Variants in POMT2 observed in about 807,000 individuals in gnomAD.
The protein encoded by POMT2 is protein O-mannosyl-transferase 2.
Under a neutral mutation model 100.0 loss-of-function variants are expected in POMT2, and 75 were observed. The observed-to-expected ratio is 0.75, with a 90% CI of 0.62 to 0.91. The LOEUF (loss-of-function observed/expected upper bound fraction) is 0.91. Among genes scored for constraint, POMT2 ranks in the 40% least tolerant of loss-of-function variants. The probability of loss-of-function intolerance (pLI) is 0.00; values close to 1 mark genes in which losing one functional copy is unlikely to be tolerated. For synonymous variants in POMT2, 378 were observed against 374.1 expected (o/e 1.01, Z -0.12); for missense variants, 940 against 955.1 (o/e 0.98, Z 0.21).
At chr14:77,286,494 T>A (rs1332723634) in intron 12 of POMT2, among the ~76,000 whole-genome samples, 1 of 152,218 alleles carries the variant, frequency 6.6e-6, no homozygotes, top group African/African-American at 2.4e-5. Flanking sequence ...TATTTGACAT[T>A]TATTAAGTAT....
At chr14:77,298,370 G>A (rs376386961) in intron 8 of POMT2, among the ~76,000 whole-genome samples, 14 of 152,168 alleles carry the variant, frequency 9.2e-5, no homozygotes, top group Admixed American at 3.9e-4. Flanking sequence ...CTCAGAAAGC[G>A]GTGCGGGAAA....
intron 6 of POMT2, chr14:77,299,869 G>A (rs1436769241): frequency 8.0e-6 from 3 of 376,840 alleles, no homozygotes; most frequent in Non-Finnish European, 1.5e-5. Flanking sequence ...TCCGCTCCAT[G>A]TTCCAGGTAC....
chr14:77,278,561 G>A lies in POMT2; in HGVS notation c.2033-53C>T. The A allele has an allele frequency of 3.5e-6, 5 of 1,442,246 alleles. No individual in the cohort carries two copies. In the South Asian group the frequency reaches 6.1e-5, roughly 18 times the overall value. 89.3% of individuals were successfully genotyped at this position (1,442,246 alleles called of 1,614,324 possible). ...CAGCCAGGCAGGGGGTGACTTCTGG[G>A]CTACAGAAGAAGGAGGCACTCCAAG... On this transcript the variant is annotated intron_variant, in intron 19 of 20. Coordinates refer to ENST00000261534, the MANE Select transcript of POMT2 (RefSeq NM_013382.7).
intron 2 of POMT2, among the ~76,000 whole-genome samples, chr14:77,307,230 G>A (rs867698371): frequency 1.9e-4 from 29 of 152,242 alleles, no homozygotes; most frequent in Admixed American, 7.8e-4. Context: ...ACAGCCCCAG[G>A]CTGCTCCAGC....
chr14:77,317,212 A>AG (rs1317071493), intron 1 of POMT2, among the ~76,000 whole-genome samples: 2 of 152,270 alleles, frequency 1.3e-5, no homozygotes, highest in African/African-American at 2.4e-5. Context: ...CCACATTGCA[A>AG]GGGGCACTGA....
chr14:77,298,213 A>C (rs181903173), intron 8 of POMT2, among the ~76,000 whole-genome samples: 3 of 152,080 alleles, frequency 2.0e-5, no homozygotes, highest in Admixed American at 6.5e-5. Context: ...ATGCTCCTTC[A>C]CGCCTGTCAA....
chr14:77,279,868 C>T lies in POMT2; in HGVS notation c.1846G>A (p.Ala616Thr), dbSNP rs774852161. 1.9e-6 allele frequency: 3 copies of T among 1,613,990 alleles called. No homozygotes were observed. In the Admixed American group the frequency reaches 5.0e-5, roughly 27 times the overall value. ...CGTGCCCCTCTCTGCATGGCTACAG[C>T]AATGATGCTCCCTGAGAGGAGGTAG... The part of the protein sequence containing the change: ...ALYLLSGSII[A>T]VAMQRGARLP... The change falls in exon 18 of 21, where the codon GCT becomes ACT. Residue 616 changes from alanine to threonine, a missense_variant. Transcript: ENST00000261534.
chr14:77,294,699 C>T (rs993041347), intron 9 of POMT2, among the ~76,000 whole-genome samples: 10 of 152,216 alleles, frequency 6.6e-5, no homozygotes, highest in African/African-American at 2.4e-4. Context: ...ACTTGCTCCT[C>T]CTTGCCTTCC....
intron 2 of POMT2, 173 bp from the exon 3 acceptor site, chr14:77,306,614 T>C: frequency 1.5e-6 from 1 of 667,032 alleles, no homozygotes; most frequent in Non-Finnish European, 2.5e-6. Flanking sequence ...CAAAGAATCT[T>C]TTGTCTACAG....
At chr14:77,286,055 T>C (rs1466389901) in intron 12 of POMT2, among the ~76,000 whole-genome samples, 1 of 152,224 alleles carries the variant, frequency 6.6e-6, no homozygotes, top group Non-Finnish European at 1.5e-5. Flanking sequence ...GGCCTGGCTA[T>C]TGCACTTTGG....
chr14:77,286,733 TG>T lies in POMT2; in HGVS notation c.1332+10del. The T allele has an allele frequency of 1.2e-6, 2 of 1,614,110 alleles. No individual in the cohort carries two copies. The highest frequency in any genetic ancestry group is 1.7e-6 in the Non-Finnish European group (2 of 1,179,974). On this transcript the variant is annotated intron_variant, in intron 12 of 20. Transcript: ENST00000261534. ...TTTTACGTCCTACTCACATCCCCGT[TG>T]CTTACTTACTATGCCATAGCCGGTG...
intron 15 of POMT2, 112 bp from the exon 16 acceptor site, chr14:77,280,575 T>TCCTTC: frequency 6.4e-7 from 1 of 1,567,654 alleles, no homozygotes; most frequent in Non-Finnish European, 8.6e-7. Context: ...GAACCTTCTC[T>TCCTTC]CCTTCCCTTC....
intron 5 of POMT2, 47 bp from the exon 6 acceptor site, chr14:77,301,296 C>T: frequency 6.2e-7 from 1 of 1,609,930 alleles, no homozygotes; most frequent in South Asian, 1.1e-5. Flanking sequence ...GGAACCAAAG[C>T]CAAACGCAAG....
chr14:77,279,003 C>T (rs767520016), intron 18 of POMT2, 134 bp from the exon 19 acceptor site: 104 of 1,217,198 alleles, frequency 8.5e-5, no homozygotes, highest in Middle Eastern at 1.9e-4. Context: ...ACCCAAACCA[C>T]GCTACAGAAA....
At chr14:77,311,848 A>T in intron 2 of POMT2, 101 bp downstream of exon 2, 1 of 1,510,396 alleles carries the variant, frequency 6.6e-7, no homozygotes, top group East Asian at 2.4e-5. Context: ...TACAAGTCCC[A>T]AATTCTTTCT....
chr14:77,308,219 A>G (rs1265838476), intron 2 of POMT2, among the ~76,000 whole-genome samples: 1 of 152,076 alleles, frequency 6.6e-6, no homozygotes, highest in Non-Finnish European at 1.5e-5. Flanking sequence ...ATGAATTACT[A>G]GAAAAAAATG....
chr14:77,311,220 C>A (rs989270798), intron 2 of POMT2, among the ~76,000 whole-genome samples: 1 of 152,198 alleles, frequency 6.6e-6, no homozygotes, highest in African/African-American at 2.4e-5. Context: ...CAGATCAAAC[C>A]ATGTGTATGC....
rs1276087822 is a variant in POMT2 at position 77,276,472 on chromosome 14, G to A, written c.*904C>T. On this transcript the variant is annotated 3_prime_UTR_variant, in exon 21 of 21. Coordinates refer to ENST00000261534, the MANE Select transcript of POMT2 (RefSeq NM_013382.7). ...GTCTCTCATCTACCTTGGGCGCTAA[G>A]CAAGGTTCCCATGGGCTCTCCCAGC... The A allele has an allele frequency of 6.6e-6, 1 of 152,580 alleles. No individual in the cohort carries two copies. Among genetic ancestry groups the A allele is most frequent in the African/African-American group, 2.4e-5 (1 of 41,452 alleles). The allele number at this position is 152,580 out of a possible 1,614,324, so 9.5% of individuals were successfully genotyped here.
intron 1 of POMT2, among the ~76,000 whole-genome samples, chr14:77,315,873 C>T (rs966758208): frequency 3.3e-5 from 5 of 152,028 alleles, no homozygotes; most frequent in African/African-American, 9.7e-5. Context: ...GGTAGCCAGG[C>T]GTGATAGGGG....
Sources: allele counts gnomAD v4.1 joint callset (sites outside exome capture counted in the v4.1 genomes callset), GRCh38; gene constraint gnomAD v4.1.1; transcripts MANE v1.5; gene names NCBI Gene and HGNC (gene_info 2026-07-23, HGNC 2026-07-21).